Variants in ZNF761 observed in about 807,000 individuals in gnomAD.
ZNF761 encodes zinc finger protein 761.
A neutral mutation model predicts 59.9 loss-of-function variants in ZNF761; 43 were observed. The ratio of observed to expected loss-of-function variants is 0.72; its 90% CI spans 0.56 to 0.92. The LOEUF is 0.92. ZNF761 is among the 40% of genes least tolerant of loss of function. The pLI is 0.00. For synonymous variants in ZNF761, 294 were observed against 304.8 expected (o/e 0.96, Z 0.37); for missense variants, 850 against 906.1 (o/e 0.94, Z 0.79).
intron 2 of ZNF761, 54 bp from the exon 3 acceptor site, chr19:53,447,142 C>A: frequency 8.0e-7 from 1 of 1,248,306 alleles, no homozygotes; most frequent in Non-Finnish European, 1.1e-6. Flanking sequence ...GGTTGTGTTC[C>A]ACGGAGGTGG....
intron 2 of ZNF761, among the ~76,000 whole-genome samples, chr19:53,446,930 G>A (rs1479749085): frequency 6.6e-6 from 1 of 151,942 alleles, no homozygotes; most frequent in African/African-American, 2.4e-5. Flanking sequence ...CATCTGCATG[G>A]GGTTTGGTCA....
intron 1 of ZNF761, among the ~76,000 whole-genome samples, chr19:53,432,441 C>T (rs954733953): frequency 2.0e-5 from 3 of 152,278 alleles, no homozygotes; most frequent in African/African-American, 7.2e-5. Context: ...CCACCCTTGC[C>T]TTAAGGTGCT....
intron 1 of ZNF761, chr19:53,443,422 G>A (rs1418193605): frequency 6.6e-6 from 1 of 152,532 alleles, no homozygotes; most frequent in Non-Finnish European, 1.5e-5. Flanking sequence ...GACAAGTTAA[G>A]AATGCATAAG....
In ZNF761 at chr19:53,457,271, A is replaced by T; in HGVS notation, c.*523A>T. On this transcript the variant is annotated 3_prime_UTR_variant, in exon 5 of 5. Transcript: ENST00000684525. ...GTAATAAATGTGGCAGATTTTTCAG[A>T]CATTGTTCATACCTTGCAGTTCATC... is the stretch of plus-strand genomic sequence containing the variant. The T allele has an allele frequency of 4.7e-6, 2 of 425,906 alleles. No individual in the cohort carries two copies. The highest frequency in any genetic ancestry group is 9.4e-6 in the Non-Finnish European group (2 of 212,002). The allele number at this position is 425,906 out of a possible 1,614,324, so 26.4% of individuals were successfully genotyped here. A position where few individuals can be genotyped will look rare whatever the true frequency, so the allele number is the denominator to read the frequency against.
At chr19:53,448,122 C>T (rs1409634208) in intron 3 of ZNF761, among the ~76,000 whole-genome samples, 1 of 152,186 alleles carries the variant, frequency 6.6e-6, no homozygotes, top group Admixed American at 6.6e-5. Flanking sequence ...CTGCCTCAGC[C>T]TCCCAAGTAG....
rs368157010 is a variant in ZNF761, at chr19:53,435,289, C to CTTTTTTTTT, written c.-185+3285_-185+3293dup. ...GGTCGTCTGGCTATAAATACAAGTC[C>CTTTTTTTTT]TTTTTTTTTTTTTTTTTTTTTTTTT... On this transcript the variant is annotated intron_variant, in intron 1 of 4. Coordinates refer to ENST00000684525, the MANE Select transcript of ZNF761 (RefSeq NM_001289951.2). Among the ~76,000 whole-genome samples the CTTTTTTTTT allele has an allele frequency of 1.7e-3, 92 of 53,612 alleles. 10 individuals are homozygous for CTTTTTTTTT. Among genetic ancestry groups the CTTTTTTTTT allele is most frequent in the African/African-American group, 3.6e-3 (44 of 12,358 alleles). The allele number at this position is 53,612 out of a possible 152,430, so 35.2% of individuals were successfully genotyped here. A position where few individuals can be genotyped will look rare whatever the true frequency, so the allele number is the denominator to read the frequency against.
At chr19:53,432,317 A>G (rs1438732084) in intron 1 of ZNF761, among the ~76,000 whole-genome samples, 1 of 152,050 alleles carries the variant, frequency 6.6e-6, no homozygotes, top group Non-Finnish European at 1.5e-5. Context: ...CGCGCTTTTT[A>G]AAGTCCTCAC....
At position 53,455,847 on chromosome 19, in the gene ZNF761, T is replaced by G; in HGVS notation, c.1340T>G (p.Phe447Cys). ...AYKCNECGKT[F>C]SRTSSLTCHR... ...AAGTGTAATGAGTGTGGAAAGACCTTTAGCCGGACATCATCCCTTACATGC... is the reference window on the plus strand; with the variant it reads ...AAGTGTAATGAGTGTGGAAAGACCTGTAGCCGGACATCATCCCTTACATGC... The change falls in exon 5 of 5, where the codon TTT (phenylalanine) becomes TGT (cysteine). Residue 447 changes from phenylalanine to cysteine, a missense_variant. Physicochemically the swap from Phe to Cys is radical, Grantham distance 205. Coordinates refer to ENST00000684525, the MANE Select transcript of ZNF761 (RefSeq NM_001289951.2). The G allele has an allele frequency of 6.2e-7, 1 of 1,613,722 alleles. No individual in the cohort carries two copies. The highest frequency in any genetic ancestry group is 8.5e-7 in the Non-Finnish European group (1 of 1,179,922).
chr19:53,457,066 AACCTT>A lies in ZNF761; in HGVS notation c.*322_*326del, dbSNP rs2086279269. The A allele has an allele frequency of 1.6e-6, 1 of 629,262 alleles. No individual in the cohort carries two copies. The highest frequency in any genetic ancestry group is 1.8e-5 in the African/African-American group (1 of 54,354). 39.0% of individuals were successfully genotyped at this position (629,262 alleles called of 1,614,324 possible). ...CATGCTAGAATTCACACTGGAGAGA[AACCTT>A]ACCAGTGTAATGAGTGTGGCAAAGC... On this transcript the variant is annotated 3_prime_UTR_variant, in exon 5 of 5. Transcript: ENST00000684525.
At chr19:53,448,775 A>ATTTT (rs35551715) in intron 3 of ZNF761, among the ~76,000 whole-genome samples, 1 of 125,106 alleles carries the variant, frequency 8.0e-6, no homozygotes, top group East Asian at 2.3e-4. Context: ...TGGCTAGCTA[A>ATTTT]TTTTTTTTTT....
At chr19:53,451,507 T>G (rs761731326) in intron 4 of ZNF761, among the ~76,000 whole-genome samples, 4 of 152,176 alleles carry the variant, frequency 2.6e-5, no homozygotes, top group Non-Finnish European at 5.9e-5. Context: ...GCACCCAGCC[T>G]GTCTGTCTTT....
chr19:53,451,669 C>T (rs982326977), intron 4 of ZNF761, among the ~76,000 whole-genome samples: 2 of 151,704 alleles, frequency 1.3e-5, no homozygotes, highest in South Asian at 2.1e-4. Flanking sequence ...TGCAACCTCT[C>T]CCTCCCAGGT....
intron 1 of ZNF761, among the ~76,000 whole-genome samples, chr19:53,445,867 G>T (rs1228293111): frequency 6.6e-6 from 1 of 152,094 alleles, no homozygotes; most frequent in Non-Finnish European, 1.5e-5. Flanking sequence ...CAGAACAAAA[G>T]CCCAACTCCT....
rs2086274672 is a variant in ZNF761, at chr19:53,456,598, G to A, written c.2091G>A (p.Lys697=). The A allele has an allele frequency of 6.2e-7, 1 of 1,611,266 alleles. No homozygotes were observed. The highest frequency in any genetic ancestry group is 1.1e-5 in the South Asian group (1 of 90,938). The change falls in exon 5 of 5, where the codon AAG becomes AAA. Residue 697 remains lysine (K), a synonymous_variant. Transcript: ENST00000684525. The stretch of plus-strand genomic sequence containing the variant: ...CTTATAAGTGTAATGAGTGTGGCAA[G>A]AACTTTAGTCAGAAGTCATCCCTTA... ...EKPYKCNECG[K]NFSQKSSLIC...
chr19:53,451,015 T>A (rs1030317635), intron 4 of ZNF761, among the ~76,000 whole-genome samples: 6 of 150,684 alleles, frequency 4.0e-5, no homozygotes, highest in African/African-American at 1.5e-4. Context: ...AAAAATTCCA[T>A]AACCTGCAAA....
Position 53,455,243 on chromosome 19 carries a change from G to T in ZNF761, c.736G>T (p.Val246Leu). 6.2e-7 allele frequency: 1 copy of T among 1,614,212 alleles called. No homozygotes were observed. Among genetic ancestry groups the T allele is most frequent in the Non-Finnish European group, 8.5e-7 (1 of 1,180,040 alleles). ...IHLADKYKCD[V>L]CGKLFNQKRN... is the part of the protein sequence containing the mutation. ...TTTAGCAGACAAATATAAATGTGAT[G>T]TATGTGGCAAGCTCTTTAATCAGAA... The change falls in exon 5 of 5, where the codon GTA (valine) becomes TTA (leucine). Residue 246 changes from valine (V) to leucine (L), a missense_variant. Physicochemically the swap from Val to Leu is conservative, Grantham distance 32. Coordinates refer to ENST00000684525, the MANE Select transcript of ZNF761 (RefSeq NM_001289951.2).
rs745950584 is a variant in ZNF761 at position 53,455,647 on chromosome 19, A to G, written c.1140A>G (p.Lys380=). Residue 380 remains lysine, a synonymous_variant, in exon 5 of 5, where the codon AAA becomes AAG. Transcript: ENST00000684525. ...ATCATAGACTTCATACTGGAGAGAA[A>G]CCCTACAAATGTAATGAGTGTGGCA... ...TCHHRLHTGE[K]PYKCNECGKT... is the part of the protein sequence containing the mutation. 7 of 1,611,132 alleles carry G rather than the reference A, an allele frequency of 4.3e-6. No individual in the cohort carries two copies. The highest frequency in any genetic ancestry group is 4.5e-5 in the East Asian group (2 of 44,542).
intron 1 of ZNF761, among the ~76,000 whole-genome samples, chr19:53,436,931 T>C (rs1429747674): frequency 6.6e-6 from 1 of 152,222 alleles, no homozygotes; most frequent in Non-Finnish European, 1.5e-5. Flanking sequence ...TTCTTGGGGC[T>C]GAGTGGGCCC....
At chr19:53,434,173 G>T (rs1259008842) in intron 1 of ZNF761, among the ~76,000 whole-genome samples, 1 of 152,276 alleles carries the variant, frequency 6.6e-6, no homozygotes, top group South Asian at 2.1e-4. Flanking sequence ...ATACCTTCGT[G>T]ACTTATCTTG....
Sources: allele counts gnomAD v4.1 joint callset (sites outside exome capture counted in the v4.1 genomes callset), GRCh38; gene constraint gnomAD v4.1.1; transcripts MANE v1.5; gene names NCBI Gene and HGNC (gene_info 2026-07-23, HGNC 2026-07-21).